ADAM12: variants seen among roughly 807,000 people sequenced by gnomAD.
The protein encoded by ADAM12 is disintegrin and metalloproteinase domain-containing protein 12.
Under a neutral mutation model 106.4 loss-of-function variants are expected in ADAM12, and 70 were observed. That is an observed-to-expected ratio of 0.66 (90% confidence interval 0.54 to 0.80). The LOEUF (loss-of-function observed/expected upper bound fraction) is 0.80. ADAM12 is among the 30% of genes least tolerant of loss of function. ADAM12 has a pLI of 0.00. For synonymous variants in ADAM12, 420 were observed against 433.5 expected (o/e 0.97, Z 0.39); for missense variants, 1,010 against 1,171.9 (o/e 0.86, Z 2.02).
intron 3 of ADAM12, among the ~76,000 whole-genome samples, chr10:126,188,234 A>G (rs1957434169): frequency 6.6e-6 from 1 of 152,214 alleles, no homozygotes; most frequent in African/African-American, 2.4e-5. Context: ...CAAAGCCTCA[A>G]AGTGGAATCT....
chr10:126,256,959 G>T (rs1958904922), intron 3 of ADAM12, among the ~76,000 whole-genome samples: 2 of 152,180 alleles, frequency 1.3e-5, no homozygotes, highest in Non-Finnish European at 2.9e-5. Flanking sequence ...GACTTCTGTG[G>T]TTTTGCAGCT....
chr10:126,042,112 T>C (rs755779349), intron 18 of ADAM12: 24 of 1,612,178 alleles, frequency 1.5e-5, no homozygotes, highest in Admixed American at 1.2e-4. Flanking sequence ...CTGGTCACGG[T>C]CTCCATGTCA....
At chr10:126,076,317 T>C (rs979000334) in intron 11 of ADAM12, among the ~76,000 whole-genome samples, 3 of 152,344 alleles carry the variant, frequency 2.0e-5, no homozygotes, top group Admixed American at 6.5e-5. Context: ...CAATCCACTG[T>C]TGAAGGGCAC....
At chr10:126,215,029 G>A (rs887066057) in intron 3 of ADAM12, among the ~76,000 whole-genome samples, 2 of 152,154 alleles carry the variant, frequency 1.3e-5, no homozygotes, top group Non-Finnish European at 2.9e-5. Flanking sequence ...ATGGCACCTG[G>A]TCCAAGCCCC....
chr10:126,340,654 C>T (rs116187088), intron 1 of ADAM12, among the ~76,000 whole-genome samples: 1,538 of 152,028 alleles, frequency 0.01, 39 homozygotes, highest in African/African-American at 0.036. Flanking sequence ...CCTCTCTCTA[C>T]TGCCACCATA....
intron 3 of ADAM12, among the ~76,000 whole-genome samples, chr10:126,217,976 CAAA>C (rs35149158): frequency 9.3e-6 from 1 of 107,714 alleles, no homozygotes. Flanking sequence ...CTCTGTCTCT[CAAA>C]AAAAAAAAAA....
chr10:126,205,760 CTT>C (rs1957783697), intron 3 of ADAM12, among the ~76,000 whole-genome samples: 1 of 152,200 alleles, frequency 6.6e-6, no homozygotes, highest in African/African-American at 2.4e-5. Flanking sequence ...ACTCATGACT[CTT>C]TAGTTCCAGA....
chr10:126,295,237 G>C (rs1018793984), intron 2 of ADAM12, among the ~76,000 whole-genome samples: 1 of 152,026 alleles, frequency 6.6e-6, no homozygotes, highest in Non-Finnish European at 1.5e-5. Context: ...GCTGTGTGAT[G>C]CTTTGGTCAT....
At chr10:126,113,372 T>C (rs919792593) in intron 6 of ADAM12, among the ~76,000 whole-genome samples, 6 of 151,770 alleles carry the variant, frequency 4.0e-5, no homozygotes, top group Admixed American at 3.9e-4. Flanking sequence ...ATTTTAAAAA[T>C]ATTGCAACTG....
chr10:126,121,165 C>CCA (rs1565074128), intron 5 of ADAM12, among the ~76,000 whole-genome samples: 1,145 of 23,064 alleles, frequency 0.05, 41 homozygotes, highest in African/African-American at 0.14. Context: ...ACTATATATA[C>CCA]TATATATACT....
intron 7 of ADAM12, 96 bp downstream of exon 7, chr10:126,109,664 TAAGAGCACATAGGAA>T: frequency 3.4e-6 from 3 of 875,372 alleles, no homozygotes; most frequent in Non-Finnish European, 5.3e-6. Context: ...CCATTGCTTT[TAAGAGCACATAGGAA>T]ATGAGGTTCA....
intron 3 of ADAM12, among the ~76,000 whole-genome samples, chr10:126,195,614 G>A (rs760406214): frequency 6.6e-6 from 1 of 151,912 alleles, no homozygotes; most frequent in Non-Finnish European, 1.5e-5. Context: ...ACCAACATAC[G>A]TTAATTAGAC....
chr10:126,329,077 C>A (rs754890631), intron 2 of ADAM12, among the ~76,000 whole-genome samples: 3 of 150,360 alleles, frequency 2.0e-5, no homozygotes, highest in Non-Finnish European at 4.4e-5. Context: ...TTGTCAGAAA[C>A]AAGACAGGAC....
At chr10:126,384,282 G>GT (rs569261060) in intron 1 of ADAM12, among the ~76,000 whole-genome samples, 14 of 152,226 alleles carry the variant, frequency 9.2e-5, no homozygotes, top group East Asian at 5.8e-4. Context: ...CTGCTGTCAT[G>GT]TTTTTTTGTT....
intron 21 of ADAM12, among the ~76,000 whole-genome samples, chr10:126,028,848 G>A (rs1005527277): frequency 1.3e-5 from 2 of 152,080 alleles, no homozygotes; most frequent in Non-Finnish European, 2.9e-5. Flanking sequence ...TACAGAATGG[G>A]AGAAAGTTTT....
chr10:126,166,094 CAA>C (rs1277711526), intron 3 of ADAM12, among the ~76,000 whole-genome samples: 11 of 152,196 alleles, frequency 7.2e-5, no homozygotes, highest in Non-Finnish European at 1.5e-4. Flanking sequence ...TAGGGGACAA[CAA>C]AGTTTCCTGC....
Position 126,135,578 on chromosome 10 carries a change from A to T in ADAM12, c.416+6T>A. The T allele has an allele frequency of 6.2e-7, 1 of 1,613,944 alleles. No individual in the cohort carries two copies. The highest frequency in any genetic ancestry group is 8.5e-7 in the Non-Finnish European group (1 of 1,179,782). ...GACTAGAGCCGCCATGGTCATGGCCACTTACCTGAGACCAGAACACGTGCT... is the reference window on the plus strand; with the variant it reads ...GACTAGAGCCGCCATGGTCATGGCCTCTTACCTGAGACCAGAACACGTGCT... On this transcript the variant is annotated splice_donor_region_variant and intron_variant, in intron 5 of 22. Transcript: ENST00000448723.
intron 3 of ADAM12, among the ~76,000 whole-genome samples, chr10:126,208,914 A>C: frequency 6.6e-6 from 1 of 150,906 alleles, no homozygotes; most frequent in East Asian, 1.9e-4. Flanking sequence ...CCTAGCCTAT[A>C]CAAATTGAGC....
chr10:126,330,328 C>A lies in ADAM12; in HGVS notation c.186+84G>T, dbSNP rs190626953. ...TTAGCATTAAAGTGAGTAGAGACAA[C>A]CCTTGAATGAGAGAATACCAAAGCA... On this transcript the variant is annotated intron_variant, in intron 2 of 22. Transcript: ENST00000448723. 1.5e-5 allele frequency: 18 copies of A among 1,169,570 alleles called. No individual in the cohort carries two copies. The highest frequency in any genetic ancestry group is 2.0e-5 in the Non-Finnish European group (16 of 812,588). 72.4% of individuals were successfully genotyped at this position (1,169,570 alleles called of 1,614,324 possible).
Sources: allele counts gnomAD v4.1 joint callset (sites outside exome capture counted in the v4.1 genomes callset), GRCh38; gene constraint gnomAD v4.1.1; transcripts MANE v1.5; gene names NCBI Gene and HGNC (gene_info 2026-07-23, HGNC 2026-07-21).